The following STK39 variants were observed in gnomAD, a reference collection of about 807,000 sequenced individuals.
STK39 encodes serine/threonine kinase 39.
A neutral mutation model predicts 77.8 loss-of-function variants in STK39; 20 were observed. The observed-to-expected ratio is 0.26, with a 90% CI of 0.18 to 0.37. STK39 has a LOEUF of 0.37. Among genes scored for constraint, STK39 ranks in the 10% least tolerant of loss-of-function variants. The pLI is 1.00. For missense variants in STK39, 479 were observed against 656.5 expected (o/e 0.73, Z 2.95); for synonymous variants, 246 against 234.1 (o/e 1.05, Z -0.47).
intron 16 of STK39, among the ~76,000 whole-genome samples, chr2:167,994,117 G>A (rs181817717): frequency 4.9e-4 from 75 of 152,094 alleles, no homozygotes; most frequent in African/African-American, 1.7e-3. Flanking sequence ...AGTACATATC[G>A]GTACCCAAGA....
At chr2:168,210,397 T>G (rs1360622822) in intron 1 of STK39, among the ~76,000 whole-genome samples, 1 of 152,230 alleles carries the variant, frequency 6.6e-6, no homozygotes, top group Admixed American at 6.5e-5. Flanking sequence ...GAAAATATGT[T>G]GTGGTTTCAT....
At position 168,075,631 on chromosome 2, in the gene STK39, G is replaced by A. The variant is rs547815014; in HGVS notation, c.1090-400C>T. Among the ~76,000 whole-genome samples the A allele has an allele frequency of 5.3e-5, 8 of 151,938 alleles. No homozygotes were observed. The South Asian group carries it at 1.5e-3, about 28-fold the overall frequency. On this transcript the variant is annotated intron_variant, in intron 10 of 17. Coordinates refer to ENST00000355999, the MANE Select transcript of STK39 (RefSeq NM_013233.3). ...ATGCAAGCAACATCCTGCTGACTGA[G>A]CAAAGGCAGAGAAATCAGGAAGCCT...
At chr2:168,043,309 CA>C (rs36113575) in intron 14 of STK39, among the ~76,000 whole-genome samples, 1 of 151,104 alleles carries the variant, frequency 6.6e-6, no homozygotes, top group South Asian at 2.1e-4. Context: ...TCATTGATGG[CA>C]AAAAAAAATC....
At chr2:168,099,960 G>A (rs1686776460) in intron 10 of STK39, among the ~76,000 whole-genome samples, 1 of 152,126 alleles carries the variant, frequency 6.6e-6, no homozygotes, top group Non-Finnish European at 1.5e-5. Flanking sequence ...CATCTGTCCA[G>A]CCTATTTCAA....
At chr2:168,151,431 T>C (rs757408969) in intron 5 of STK39, among the ~76,000 whole-genome samples, 4 of 152,030 alleles carry the variant, frequency 2.6e-5, no homozygotes, top group East Asian at 1.9e-4. Flanking sequence ...CAATTCACGA[T>C]AGAAAAATTG....
At chr2:168,147,295 G>C (rs1204872763) in intron 5 of STK39, among the ~76,000 whole-genome samples, 1 of 152,114 alleles carries the variant, frequency 6.6e-6, no homozygotes, top group Non-Finnish European at 1.5e-5. Flanking sequence ...AAATTGAAAT[G>C]TTCTTCTAAA....
At chr2:168,096,607 C>T (rs1197555030) in intron 10 of STK39, among the ~76,000 whole-genome samples, 1 of 152,168 alleles carries the variant, frequency 6.6e-6, no homozygotes, top group African/African-American at 2.4e-5. Flanking sequence ...AATTTAAGAA[C>T]CTGCTGTGGA....
intron 16 of STK39, among the ~76,000 whole-genome samples, chr2:167,983,432 C>T (rs113454816): frequency 0.19 from 23,991 of 124,358 alleles, 2,253 homozygotes; most frequent in East Asian, 0.4. Flanking sequence ...CCAGCCTGCG[C>T]AACAAGAGTG....
intron 16 of STK39, among the ~76,000 whole-genome samples, chr2:167,989,059 T>C (rs1187778424): frequency 6.6e-6 from 1 of 152,194 alleles, no homozygotes; most frequent in South Asian, 2.1e-4. Context: ...TTTCTCCATA[T>C]AGATAGCCAT....
At chr2:168,040,074 T>C (rs56226629) in intron 14 of STK39, among the ~76,000 whole-genome samples, 74,586 of 151,878 alleles carry the variant, frequency 0.49, 19,400 homozygotes, top group Non-Finnish European at 0.56. Flanking sequence ...TACATTACAA[T>C]GCCTGTCAAC....
At chr2:168,125,220 C>G (rs1280292133) in intron 10 of STK39, among the ~76,000 whole-genome samples, 1 of 141,504 alleles carries the variant, frequency 7.1e-6, no homozygotes, top group Non-Finnish European at 1.6e-5. Flanking sequence ...TTTTGATAAT[C>G]AAAAAAAAAA....
intron 10 of STK39, among the ~76,000 whole-genome samples, chr2:168,094,971 G>A (rs1686623883): frequency 6.6e-6 from 1 of 152,020 alleles, no homozygotes; most frequent in African/African-American, 2.4e-5. Flanking sequence ...CTTCTGTTTT[G>A]CCTTCCATGT....
chr2:168,004,518 G>A (rs1461723283), intron 16 of STK39, among the ~76,000 whole-genome samples: 2 of 151,970 alleles, frequency 1.3e-5, no homozygotes, highest in Admixed American at 6.6e-5. Flanking sequence ...GGATCATGAG[G>A]TCAGGAGATC....
intron 12 of STK39, 74 bp downstream of exon 12, chr2:168,074,908 C>A: frequency 6.4e-7 from 1 of 1,554,408 alleles, no homozygotes. Context: ...AGCATCTCCC[C>A]TAAATGGATC....
intron 16 of STK39, among the ~76,000 whole-genome samples, chr2:168,006,468 C>T (rs192088203): frequency 3.9e-5 from 6 of 152,224 alleles, no homozygotes; most frequent in Admixed American, 1.3e-4. Flanking sequence ...GCAGAGAAAA[C>T]TTATTTCTTG....
chr2:168,065,484 G>A (rs769058963), intron 12 of STK39, 103 bp from the exon 13 acceptor site: 9 of 1,213,756 alleles, frequency 7.4e-6, no homozygotes, highest in African/African-American at 4.5e-5. Context: ...ATTTCCAAAC[G>A]ATCATAAAGC....
At chr2:168,123,993 TG>T (rs1687476433) in intron 10 of STK39, among the ~76,000 whole-genome samples, 1 of 152,096 alleles carries the variant, frequency 6.6e-6, no homozygotes, top group Non-Finnish European at 1.5e-5. Flanking sequence ...GTGGATCCAG[TG>T]GGGCCAAGGG....
chr2:168,238,322 A>G (rs1476903603), intron 1 of STK39, among the ~76,000 whole-genome samples: 1 of 152,208 alleles, frequency 6.6e-6, no homozygotes, highest in Non-Finnish European at 1.5e-5. Context: ...TCCAGTGGTA[A>G]CTAAAAGTTA....
chr2:168,198,882 C>A (rs1406515137), intron 1 of STK39, among the ~76,000 whole-genome samples: 1 of 152,180 alleles, frequency 6.6e-6, no homozygotes, highest in East Asian at 1.9e-4. Context: ...GTATCTATAA[C>A]ATACAGATAA....
Sources: gnomAD v4.1 joint callset for allele counts (sites outside exome capture counted in the v4.1 genomes callset) on GRCh38, gnomAD v4.1.1 for gene constraint, MANE v1.5 for transcripts, NCBI Gene and HGNC (gene_info 2026-07-23, HGNC 2026-07-21) for gene names.